The following PDIK1L variants were observed in gnomAD, a reference collection of about 807,000 sequenced individuals.
PDIK1L encodes the protein PDLIM1 interacting kinase 1 like.
In PDIK1L, 9 loss-of-function variants were observed where a neutral mutation model predicts 27.1. The ratio of observed to expected loss-of-function variants is 0.33; its 90% CI spans 0.20 to 0.58. PDIK1L has a LOEUF of 0.58. Ranked by LOEUF, PDIK1L falls within the 20% of genes least tolerant of loss-of-function variation. The pLI, the probability that PDIK1L is intolerant of heterozygous loss-of-function variation, is 0.86. For synonymous variants in PDIK1L, 130 were observed against 141.7 expected (o/e 0.92, Z 0.59); for missense variants, 216 against 413.2 (o/e 0.52, Z 4.14).
intron 2 of PDIK1L, among the ~76,000 whole-genome samples, chr1:26,117,015 CTTTTTTT>C (rs60381058): frequency 2.9e-5 from 3 of 103,552 alleles, no homozygotes; most frequent in African/African-American, 4.2e-5. Context: ...TGCGCCCAAC[CTTTTTTT>C]TTTTTTTTTT....
At chr1:26,112,984 G>T (rs1221757770) in intron 1 of PDIK1L, among the ~76,000 whole-genome samples, 1 of 152,214 alleles carries the variant, frequency 6.6e-6, no homozygotes, top group Non-Finnish European at 1.5e-5. Context: ...AAACCGTTCA[G>T]TAAGTTGAAT....
chr1:26,116,877 G>A (rs1258985455), intron 2 of PDIK1L, among the ~76,000 whole-genome samples: 9 of 151,816 alleles, frequency 5.9e-5, no homozygotes, highest in South Asian at 2.1e-4. Flanking sequence ...CACCACGCCC[G>A]GCTAATTTTT....
At chr1:26,119,570 T>C (rs1014535724) in intron 2 of PDIK1L, among the ~76,000 whole-genome samples, 1 of 151,892 alleles carries the variant, frequency 6.6e-6, no homozygotes. Flanking sequence ...TGTTTAAAAA[T>C]TGAAAGAAGA....
intron 2 of PDIK1L, among the ~76,000 whole-genome samples, chr1:26,116,450 G>A (rs1317335398): frequency 6.6e-6 from 1 of 152,182 alleles, no homozygotes; most frequent in African/African-American, 2.4e-5. Context: ...AGGAGGCAGA[G>A]GTTGCAGTGA....
At chr1:26,118,200 A>T (rs961500651) in intron 2 of PDIK1L, among the ~76,000 whole-genome samples, 1 of 152,184 alleles carries the variant, frequency 6.6e-6, no homozygotes, top group Non-Finnish European at 1.5e-5. Context: ...ACGCACCTTT[A>T]GTCCCAGCTA....
chr1:26,124,736 C>G lies in PDIK1L; in HGVS notation c.*2159C>G, dbSNP rs2088049172. 6.6e-6 allele frequency: 1 copy of G among 152,132 alleles called. No homozygotes were observed. The highest frequency in any genetic ancestry group is 1.5e-5 in the Non-Finnish European group (1 of 67,998). 9.4% of individuals were successfully genotyped at this position (152,132 alleles called of 1,614,324 possible). ...TGGAATTTTATCAAGTCCTTGTATT[C>G]TAAAATAGCCAAGCAAAATGATAGT... On this transcript the variant is annotated 3_prime_UTR_variant, in exon 3 of 3. Coordinates refer to ENST00000374269, the MANE Select transcript of PDIK1L (RefSeq NM_152835.5).
chr1:26,121,375 G>A lies in PDIK1L; in HGVS notation c.286-462G>A, dbSNP rs531291005. ...TGATCATTTTTCTCTCGATTTCACA[G>A]GTTATGTTGATAGTGTCTGTGCAAT... On this transcript the variant is annotated intron_variant, in intron 2 of 2. Coordinates refer to ENST00000374269, the MANE Select transcript of PDIK1L (RefSeq NM_152835.5). Among the ~76,000 whole-genome samples, 3 of 152,310 alleles carry A rather than the reference G, an allele frequency of 2.0e-5. No individual in the cohort carries two copies. In the South Asian group the frequency reaches 6.2e-4, roughly 32 times the overall value.
At chr1:26,115,265 A>G (rs1467708694) in intron 2 of PDIK1L, among the ~76,000 whole-genome samples, 1 of 152,234 alleles carries the variant, frequency 6.6e-6, no homozygotes, top group Non-Finnish European at 1.5e-5. Flanking sequence ...TAATGAATTC[A>G]TCCAAAATCA....
At position 26,125,214 on chromosome 1, in the gene PDIK1L, T is replaced by C. The variant is rs985190309; in HGVS notation, c.*2637T>C. The C allele has an allele frequency of 1.3e-5, 2 of 152,622 alleles. No individual in the cohort carries two copies. The highest frequency in any genetic ancestry group is 4.8e-5 in the African/African-American group (2 of 41,458). The allele number at this position is 152,622 out of a possible 1,614,324, so 9.5% of individuals were successfully genotyped here. On this transcript the variant is annotated 3_prime_UTR_variant, in exon 3 of 3. Coordinates refer to ENST00000374269, the MANE Select transcript of PDIK1L (RefSeq NM_152835.5). ...GATTTTTTGGTGCTAAGGGATACTT[T>C]GTCATTATGATGAAGTAAGTGTTAA...
Position 26,122,254 on chromosome 1 carries a change from A to T in PDIK1L, c.703A>T (p.Thr235Ser). ...TCCTGAAGTTTGGGAAGGACATTACACAGCAAAAGCTGACATCTTTGCTCT... is the reference window on the plus strand; with the variant it reads ...TCCTGAAGTTTGGGAAGGACATTACTCAGCAAAAGCTGACATCTTTGCTCT... Reference protein sequence around the residue: ...MAPEVWEGHYTAKADIFALGI... With the variant: ...MAPEVWEGHYSAKADIFALGI... The change falls in exon 3 of 3, where the codon ACA becomes TCA. Residue 235 changes from threonine (T) to serine (S), a missense_variant. By Grantham distance (58) the Thr-to-Ser change is moderately conservative. Coordinates refer to ENST00000374269, the MANE Select transcript of PDIK1L (RefSeq NM_152835.5). The surrounding 1 kb of genome is among the most constrained non-coding windows in gnomAD (Gnocchi z 5.4). 1 of 1,614,238 alleles carries T rather than the reference A, an allele frequency of 6.2e-7. No individual in the cohort carries two copies. Among genetic ancestry groups the T allele is most frequent in the Non-Finnish European group, 8.5e-7 (1 of 1,180,046 alleles).
Position 26,122,868 on chromosome 1 carries a change from G to T in PDIK1L, c.*291G>T. 1 of 232,900 alleles carries T rather than the reference G, an allele frequency of 4.3e-6. No individual in the cohort carries two copies. Among genetic ancestry groups the T allele is most frequent in the South Asian group, 1.1e-4 (1 of 8,924 alleles). The allele number at this position is 232,900 out of a possible 1,614,324, so 14.4% of individuals were successfully genotyped here. ...ACAAGAGAAGAGAGTCCAGTTTTCT[G>T]GAAATATGTCTTTAAGTATTTTAGA... On this transcript the variant is annotated 3_prime_UTR_variant, in exon 3 of 3. Transcript: ENST00000374269. The surrounding 1 kb of genome is among the most constrained non-coding windows in gnomAD (Gnocchi z 5.4).
chr1:26,120,464 C>T (rs189833553), intron 2 of PDIK1L, among the ~76,000 whole-genome samples: 4 of 152,310 alleles, frequency 2.6e-5, no homozygotes, highest in Admixed American at 6.5e-5. Flanking sequence ...TGCAGATCAT[C>T]GCAATTACTA....
chr1:26,118,334 TAAAC>T (rs935114020), intron 2 of PDIK1L, among the ~76,000 whole-genome samples: 8 of 152,102 alleles, frequency 5.3e-5, no homozygotes, highest in Admixed American at 6.6e-5. Context: ...AATAAACAAA[TAAAC>T]AAACATATTA....
At chr1:26,111,624 C>A (rs890060345), upstream of PDIK1L, among the ~76,000 whole-genome samples, 1 of 151,488 alleles carries the variant, frequency 6.6e-6, no homozygotes, top group Admixed American at 6.6e-5. The surrounding 1 kb of genome is among the most constrained non-coding windows in gnomAD (Gnocchi z 4.0). Context: ...ACCAGTGGTG[C>A]GCTCCGGAGC....
rs1418787377 is a variant in PDIK1L, at chr1:26,124,431, G to A, written c.*1854G>A. On this transcript the variant is annotated 3_prime_UTR_variant, in exon 3 of 3. Coordinates refer to ENST00000374269, the MANE Select transcript of PDIK1L (RefSeq NM_152835.5). ...CAGATTAGTTTAATTTAACAGATAT[G>A]TCCAAGGAAGTTGAGCTATAGGGAG... 2 of 152,156 alleles carry A rather than the reference G, an allele frequency of 1.3e-5. No individual in the cohort carries two copies. The highest frequency in any genetic ancestry group is 6.5e-5 in the Admixed American group (1 of 15,274). 9.4% of individuals were successfully genotyped at this position (152,156 alleles called of 1,614,324 possible). A position where few individuals can be genotyped will look rare whatever the true frequency, so the allele number is the denominator to read the frequency against.
intron 2 of PDIK1L, among the ~76,000 whole-genome samples, chr1:26,120,085 G>T (rs896234299): frequency 3.3e-5 from 5 of 152,138 alleles, no homozygotes; most frequent in African/African-American, 1.2e-4. Context: ...CATTTCCATA[G>T]CTCTCAGCCA....
intron 1 of PDIK1L, among the ~76,000 whole-genome samples, chr1:26,112,118 C>G (rs1557592649): frequency 6.6e-6 from 1 of 152,204 alleles, no homozygotes; most frequent in South Asian, 2.1e-4. Context: ...CCCCCAGCCC[C>G]GAGGAGTTGA....
upstream of PDIK1L, chr1:26,111,301 G>C (rs534391865): frequency 6.6e-6 from 1 of 152,648 alleles, no homozygotes; most frequent in Non-Finnish European, 1.5e-5. This position sits in a 1 kb window ranked among gnomAD's most constrained non-coding sequence, Gnocchi z 4.0. Context: ...CTCCTTGGTC[G>C]GGCCGCACCT....
chr1:26,115,710 G>T (rs1470273225), intron 2 of PDIK1L, among the ~76,000 whole-genome samples: 1 of 152,038 alleles, frequency 6.6e-6, no homozygotes, highest in East Asian at 1.9e-4. Flanking sequence ...GCTGAGGCAG[G>T]AGAATGGCGT....
Sources: allele counts gnomAD v4.1 joint callset (sites outside exome capture counted in the v4.1 genomes callset), GRCh38; gene constraint gnomAD v4.1.1; non-coding constraint Gnocchi (gnomAD v3.1); transcripts MANE v1.5; gene names NCBI Gene and HGNC (gene_info 2026-07-23, HGNC 2026-07-21).